SAMTOR: variants seen among roughly 807,000 people sequenced by gnomAD.
SAMTOR encodes the protein UPF0532 protein C7orf60.
At chr7:112,826,978 T>G in the SAMTOR span, among the ~76,000 whole-genome samples, 1 of 152,196 alleles carries the variant, frequency 6.6e-6, no homozygotes, top group Admixed American at 6.5e-5. Flanking sequence ...GCTTTGTTAT[T>G]AGGTGCATAG....
the SAMTOR span, among the ~76,000 whole-genome samples, chr7:112,878,857 T>G: frequency 6.6e-6 from 1 of 152,036 alleles, no homozygotes; most frequent in East Asian, 1.9e-4. Flanking sequence ...AACTCTCAAG[T>G]TGAATTGTGA....
chr7:112,846,658 AGGGAACCTAC>A, the SAMTOR span, among the ~76,000 whole-genome samples: 1 of 152,224 alleles, frequency 6.6e-6, no homozygotes, highest in African/African-American at 2.4e-5. Context: ...GCAACTTTCT[AGGGAACCTAC>A]GGTGATGAGC....
At chr7:112,826,849 G>A in the SAMTOR span, among the ~76,000 whole-genome samples, 39 of 151,914 alleles carry the variant, frequency 2.6e-4, no homozygotes, top group African/African-American at 8.5e-4. Flanking sequence ...TGAATTCTTC[G>A]CCAAGTGTTC....
At chr7:112,895,441 G>T in the SAMTOR span, 1 of 588,352 alleles carries the variant, frequency 1.7e-6, no homozygotes, top group Non-Finnish European at 2.7e-6. Flanking sequence ...TTACCTATCT[G>T]CATTTCTCAG....
the SAMTOR span, among the ~76,000 whole-genome samples, chr7:112,825,673 T>C: frequency 6.6e-6 from 1 of 152,196 alleles, no homozygotes; most frequent in African/African-American, 2.4e-5. Flanking sequence ...CTTATTGCTT[T>C]TTCTTGCTTT....
chr7:112,881,030 C>T, the SAMTOR span, among the ~76,000 whole-genome samples: 2 of 152,028 alleles, frequency 1.3e-5, no homozygotes, highest in South Asian at 2.1e-4. Context: ...GCTGCAGACC[C>T]GGGCATCCCT....
the SAMTOR span, among the ~76,000 whole-genome samples, chr7:112,866,268 G>A: frequency 6.6e-6 from 1 of 151,938 alleles, no homozygotes; most frequent in African/African-American, 2.4e-5. Context: ...ATACTACTGA[G>A]GACTGTAATT....
At chr7:112,871,120 C>CA in the SAMTOR span, among the ~76,000 whole-genome samples, 4 of 151,998 alleles carry the variant, frequency 2.6e-5, no homozygotes, top group African/African-American at 9.7e-5. Context: ...ATCATTGAGG[C>CA]AAAAAACTAA....
the SAMTOR span, among the ~76,000 whole-genome samples, chr7:112,843,760 T>A: frequency 6.6e-6 from 1 of 151,884 alleles, no homozygotes; most frequent in African/African-American, 2.4e-5. Flanking sequence ...TCCAAAAGAC[T>A]GAGGAGGAGG....
At chr7:112,832,769 CT>C in the SAMTOR span, 2 of 717,470 alleles carry the variant, frequency 2.8e-6, no homozygotes, top group South Asian at 1.8e-5. Context: ...TCTCAGGACC[CT>C]TTTACACATA....
At chr7:112,822,158 C>T in the SAMTOR span, 5 of 1,613,818 alleles carry the variant, frequency 3.1e-6, no homozygotes, top group Non-Finnish European at 4.2e-6. Context: ...AACCATTTAA[C>T]ACTAACAGTT....
At chr7:112,835,678 C>T in the SAMTOR span, among the ~76,000 whole-genome samples, 19 of 152,142 alleles carry the variant, frequency 1.2e-4, 1 homozygote, top group South Asian at 3.7e-3. Context: ...TTGTTTCCCT[C>T]TTTGGGTCCA....
the SAMTOR span, among the ~76,000 whole-genome samples, chr7:112,891,543 C>T: frequency 6.6e-6 from 1 of 152,094 alleles, no homozygotes; most frequent in Non-Finnish European, 1.5e-5. Flanking sequence ...CACTTGATAC[C>T]ACAAACCAAC....
At chr7:112,938,365 AT>A in the SAMTOR span, among the ~76,000 whole-genome samples, 1 of 152,242 alleles carries the variant, frequency 6.6e-6, no homozygotes, top group East Asian at 1.9e-4. Flanking sequence ...GCTAAGCTTG[AT>A]TTGCTAAGGA....
the SAMTOR span, among the ~76,000 whole-genome samples, chr7:112,909,034 A>G: frequency 6.6e-6 from 1 of 152,248 alleles, no homozygotes; most frequent in Non-Finnish European, 1.5e-5. Flanking sequence ...AAGAAGCCAT[A>G]AAAGGACAAA....
the SAMTOR span, among the ~76,000 whole-genome samples, chr7:112,937,333 T>A: frequency 1.3e-5 from 2 of 152,162 alleles, no homozygotes; most frequent in Non-Finnish European, 2.9e-5. Context: ...TAGTTATTGG[T>A]GCTATAGTTC....
the SAMTOR span, among the ~76,000 whole-genome samples, chr7:112,931,824 G>T: frequency 1.1e-4 from 16 of 151,908 alleles, no homozygotes; most frequent in Admixed American, 3.3e-4. Context: ...GTTAGATTTT[G>T]TAACTAGTAT....
chr7:112,845,764 C>G, the SAMTOR span, among the ~76,000 whole-genome samples: 1 of 152,074 alleles, frequency 6.6e-6, no homozygotes, highest in Non-Finnish European at 1.5e-5. Context: ...AATCATTTTA[C>G]CATAAAGACA....
the SAMTOR span, among the ~76,000 whole-genome samples, chr7:112,913,546 T>C: frequency 6.6e-6 from 1 of 152,238 alleles, no homozygotes; most frequent in Non-Finnish European, 1.5e-5. Context: ...CTTGACATCT[T>C]GCAAAAGGTT....
Sources: gnomAD v4.1 joint callset for allele counts (sites outside exome capture counted in the v4.1 genomes callset) on GRCh38, gnomAD v4.1.1 for gene constraint, MANE v1.5 for transcripts, NCBI Gene and HGNC (gene_info 2026-07-23, HGNC 2026-07-21) for gene names.